The following COL10A1 variants were observed in gnomAD, a reference collection of about 807,000 sequenced individuals.
COL10A1 encodes collagen type X alpha 1 chain.
In COL10A1, 10 loss-of-function variants were observed where a neutral mutation model predicts 18.2. The observed-to-expected ratio is 0.55, with a 90% confidence interval of 0.34 to 0.93. The LOEUF (loss-of-function observed/expected upper bound fraction) is 0.93, where lower values mean the gene tolerates loss of function less well. Among genes scored for constraint, COL10A1 ranks in the 40% least tolerant of loss-of-function variants. The pLI is 0.02. For missense variants in COL10A1, 897 were observed against 853.5 expected (o/e 1.05, Z -0.64); for synonymous variants, 330 against 316.6 (o/e 1.04, Z -0.45).
intron 1 of COL10A1, among the ~76,000 whole-genome samples, chr6:116,134,790 G>A (rs1293010240): frequency 1.3e-5 from 2 of 152,152 alleles, no homozygotes; most frequent in Non-Finnish European, 2.9e-5. Context: ...CTACTGGCTG[G>A]CTAATAAGTT....
At chr6:116,128,671 A>G (rs1377339409), upstream of COL10A1, among the ~76,000 whole-genome samples, 1 of 152,116 alleles carries the variant, frequency 6.6e-6, no homozygotes, top group Non-Finnish European at 1.5e-5. Flanking sequence ...CTATACCCTT[A>G]AAGTGTTTAC....
chr6:116,195,705 TG>T, the COL10A1 span, among the ~76,000 whole-genome samples: 36 of 152,174 alleles, frequency 2.4e-4, no homozygotes, highest in East Asian at 6.4e-3. Flanking sequence ...TAGACTCTCT[TG>T]TTAGCTAAAT....
chr6:116,178,145 G>A, the COL10A1 span, among the ~76,000 whole-genome samples: 1 of 151,238 alleles, frequency 6.6e-6, no homozygotes, highest in Non-Finnish European at 1.5e-5. Context: ...TTACTAGTGG[G>A]ACTGGGTCTA....
chr6:116,167,176 A>T, the COL10A1 span, among the ~76,000 whole-genome samples: 1 of 151,178 alleles, frequency 6.6e-6, no homozygotes, highest in East Asian at 1.9e-4. Flanking sequence ...TGTACTTAAA[A>T]GGTGTTTGTA....
the COL10A1 span, among the ~76,000 whole-genome samples, chr6:116,175,266 A>T: frequency 2.6e-5 from 4 of 152,184 alleles, no homozygotes; most frequent in African/African-American, 4.8e-5. Flanking sequence ...AAAACTAATG[A>T]TCTGATTTCT....
the COL10A1 span, among the ~76,000 whole-genome samples, chr6:116,187,934 A>G: frequency 1.3e-5 from 2 of 152,200 alleles, no homozygotes; most frequent in South Asian, 4.1e-4. Flanking sequence ...AGAAGAGAAG[A>G]TATTTGGAAT....
At chr6:116,145,523 T>C (rs1336211693) in intron 1 of COL10A1, 1 of 318,286 alleles carries the variant, frequency 3.1e-6, no homozygotes, top group Non-Finnish European at 7.2e-6. Context: ...CTGTATTATT[T>C]CATTAGAACT....
chr6:116,146,692 T>G (rs1236620418), intron 1 of COL10A1, among the ~76,000 whole-genome samples: 1 of 152,166 alleles, frequency 6.6e-6, no homozygotes, highest in African/African-American at 2.4e-5. Context: ...GCTATAAATC[T>G]TTTTGATCTA....
chr6:116,174,824 A>C, the COL10A1 span, among the ~76,000 whole-genome samples: 432 of 152,312 alleles, frequency 2.8e-3, 3 homozygotes, highest in Non-Finnish European at 4.1e-3. Flanking sequence ...AGCATGGCTA[A>C]TTCAACCTAA....
chr6:116,139,474 C>A (rs1779708759), intron 1 of COL10A1, among the ~76,000 whole-genome samples: 1 of 152,024 alleles, frequency 6.6e-6, no homozygotes, highest in Non-Finnish European at 1.5e-5. Flanking sequence ...CCACAAAATT[C>A]TTGTACATTT....
In COL10A1 at chr6:116,120,086, A is replaced by G. The variant is rs1157359218; in HGVS notation, c.2030T>C (p.Val677Ala). Reference sequence around the variant, plus strand: ...CTCTGTGTGTACTCACATTGGAGCCACTAGGAATCCTGAGAAAGAGGAGTG... The same window carrying G: ...CTCTGTGTGTACTCACATTGGAGCCGCTAGGAATCCTGAGAAAGAGGAGTG... ...YVHSSFSGFL[V>A]APM Residue 677 changes from valine to alanine, a missense_variant, in exon 3 of 3, where the codon GTG (valine) becomes GCG (alanine). By Grantham distance (64) the Val-to-Ala change is moderately conservative (BLOSUM62 0). Transcript: ENST00000651968. 1 of 1,613,880 alleles carries G rather than the reference A, an allele frequency of 6.2e-7. No individual in the cohort carries two copies.
the COL10A1 span, among the ~76,000 whole-genome samples, chr6:116,181,777 A>C: frequency 6.6e-6 from 1 of 152,122 alleles, no homozygotes; most frequent in Non-Finnish European, 1.5e-5. Context: ...AATGGGAGCT[A>C]TATTATGTTC....
At chr6:116,193,564 A>G in the COL10A1 span, among the ~76,000 whole-genome samples, 1 of 152,072 alleles carries the variant, frequency 6.6e-6, no homozygotes, top group South Asian at 2.1e-4. Context: ...ATATGCAAGC[A>G]ATGTTTCATA....
the COL10A1 span, among the ~76,000 whole-genome samples, chr6:116,203,304 A>G: frequency 6.6e-6 from 1 of 151,890 alleles, no homozygotes; most frequent in African/African-American, 2.4e-5. Context: ...TTACTTTACT[A>G]TACATTGTTA....
At chr6:116,194,590 A>AT in the COL10A1 span, among the ~76,000 whole-genome samples, 1 of 152,078 alleles carries the variant, frequency 6.6e-6, no homozygotes, top group Admixed American at 6.6e-5. Context: ...GAATAAAACT[A>AT]TAACAACTGT....
At chr6:116,166,826 A>T in the COL10A1 span, among the ~76,000 whole-genome samples, 1 of 152,220 alleles carries the variant, frequency 6.6e-6, no homozygotes, top group Non-Finnish European at 1.5e-5. Context: ...AGTGGTTTCT[A>T]TTTAAAGACG....
At chr6:116,125,869 G>T in intron 1 of COL10A1, 184 bp downstream of exon 1, 1 of 202,808 alleles carries the variant, frequency 4.9e-6, no homozygotes, top group Non-Finnish European at 1.0e-5. Flanking sequence ...TTTACAATAT[G>T]GTTTTATTGG....
intron 1 of COL10A1, among the ~76,000 whole-genome samples, chr6:116,151,819 G>A (rs970676244): frequency 6.6e-6 from 1 of 152,088 alleles, no homozygotes; most frequent in African/African-American, 2.4e-5. Context: ...ATACTTCACT[G>A]TACTCTTTTC....
At chr6:116,199,024 A>G in the COL10A1 span, among the ~76,000 whole-genome samples, 15,337 of 152,038 alleles carry the variant, frequency 0.1, 1,288 homozygotes, top group African/African-American at 0.23. Context: ...TCTGTGCATT[A>G]TATAATGTTT....
Sources: allele counts gnomAD v4.1 joint callset (sites outside exome capture counted in the v4.1 genomes callset), GRCh38; gene constraint gnomAD v4.1.1; transcripts MANE v1.5; gene names NCBI Gene and HGNC (gene_info 2026-07-23, HGNC 2026-07-21).